The following NALCN variants were observed in gnomAD, a reference collection of about 807,000 sequenced individuals.
NALCN encodes the protein sodium leak channel, non-selective.
In NALCN, 111 loss-of-function variants were observed where a neutral mutation model predicts 225.3. The observed-to-expected ratio is 0.49, with a 90% CI of 0.42 to 0.58. The LOEUF is 0.58. NALCN is among the 20% of genes least tolerant of loss of function. NALCN has a pLI of 0.00. For missense variants in NALCN, 1,378 were observed against 2,202.4 expected, an observed-to-expected ratio of 0.63 and a Z score of 7.49; for synonymous variants, 764 against 769.0, an observed-to-expected ratio of 0.99 and a Z score of 0.11.
chr13:101,162,249 TCCAACTC>T (rs1233612909), intron 15 of NALCN, among the ~76,000 whole-genome samples: 1 of 152,194 alleles, frequency 6.6e-6, no homozygotes, highest in Non-Finnish European at 1.5e-5. Flanking sequence ...TTGATTTACA[TCCAACTC>T]CCCTATTAGA....
At chr13:101,110,808 T>C in intron 19 of NALCN, 120 bp from the exon 20 acceptor site, 1 of 978,786 alleles carries the variant, frequency 1.0e-6, no homozygotes, top group Non-Finnish European at 1.6e-6. Context: ...ATGCCTATGA[T>C]TTCTTTTCAT....
intron 3 of NALCN, among the ~76,000 whole-genome samples, chr13:101,379,385 C>G (rs1332653324): frequency 1.3e-5 from 2 of 152,086 alleles, no homozygotes; most frequent in Non-Finnish European, 2.9e-5. Context: ...CAAAGGATTA[C>G]AAATCATTCT....
intron 9 of NALCN, among the ~76,000 whole-genome samples, chr13:101,286,926 T>C (rs1037970240): frequency 6.6e-6 from 1 of 151,770 alleles, no homozygotes; most frequent in Non-Finnish European, 1.5e-5. Context: ...ACATAGGATC[T>C]TTTTTTGTAC....
intron 6 of NALCN, among the ~76,000 whole-genome samples, chr13:101,370,574 A>G (rs542885935): frequency 6.6e-6 from 1 of 152,336 alleles, no homozygotes; most frequent in South Asian, 2.1e-4. Context: ...GAGGTAGTCC[A>G]ATAGACCAGT....
intron 13 of NALCN, among the ~76,000 whole-genome samples, chr13:101,225,056 G>A (rs2041089043): frequency 6.6e-6 from 1 of 152,114 alleles, no homozygotes; most frequent in African/African-American, 2.4e-5. Context: ...TGCCCCTGGT[G>A]CCCAACTTTT....
chr13:101,378,718 G>A (rs1482731397), intron 3 of NALCN, 65 bp from the exon 4 acceptor site: 1 of 1,323,390 alleles, frequency 7.6e-7, no homozygotes, highest in South Asian at 1.3e-5. Context: ...ATCTGTGGAG[G>A]AAAATGTCAA....
intron 7 of NALCN, among the ~76,000 whole-genome samples, chr13:101,310,541 C>G (rs1404076650): frequency 6.6e-6 from 1 of 152,098 alleles, no homozygotes; most frequent in Non-Finnish European, 1.5e-5. Context: ...ACTGCAATTC[C>G]TGCTCACACC....
In NALCN at chr13:101,229,416, C is replaced by G; in HGVS notation, c.1603G>C (p.Asp535His). ...ACCCTCGGAAACGTAGTAAATCTGT[C>G]CAGTTCTTCGACAAAGCAGAACATC... ...LQMFCFVEELDRFTTFPRAFM... is the reference protein window; with the variant it reads ...LQMFCFVEELHRFTTFPRAFM... Residue 535 changes from aspartate to histidine, a missense_variant, in exon 13 of 44, where the codon GAC becomes CAC. Transcript: ENST00000251127. The G allele has an allele frequency of 1.9e-6, 3 of 1,600,008 alleles. No homozygotes were observed. The highest frequency in any genetic ancestry group is 2.6e-6 in the Non-Finnish European group (3 of 1,174,060).
At chr13:101,383,976 G>A (rs1303923786) in intron 3 of NALCN, among the ~76,000 whole-genome samples, 1 of 152,130 alleles carries the variant, frequency 6.6e-6, no homozygotes, top group Non-Finnish European at 1.5e-5. Context: ...TAAGTAGAAT[G>A]CAGACCTTGA....
intron 6 of NALCN, among the ~76,000 whole-genome samples, chr13:101,346,085 C>CTATA (rs1164298684): frequency 5.4e-3 from 433 of 80,336 alleles, no homozygotes; most frequent in African/African-American, 0.012. Flanking sequence ...CTCTCTCTCT[C>CTATA]TCTATATATA....
chr13:101,254,116 C>T (rs1388710509), intron 11 of NALCN, among the ~76,000 whole-genome samples: 1 of 151,992 alleles, frequency 6.6e-6, no homozygotes, highest in Non-Finnish European at 1.5e-5. Flanking sequence ...GGAGTGATGG[C>T]TCACGCCTGT....
chr13:101,228,684 T>G (rs534538247), intron 13 of NALCN, among the ~76,000 whole-genome samples: 1 of 152,336 alleles, frequency 6.6e-6, no homozygotes, highest in South Asian at 2.1e-4. Context: ...ATTACCCAGT[T>G]TCATCGAGTA....
In NALCN at chr13:101,069,121, C is replaced by T. The variant is rs145830905; in HGVS notation, c.4198-294G>A. ...TTCTTTCTGCCACCACCACCAGCCC[C>T]AAGTGATAAGTAGCCACTGTGATCA... On this transcript the variant is annotated intron_variant, in intron 37 of 43. Transcript: ENST00000251127. Among the ~76,000 whole-genome samples the T allele has an allele frequency of 2.4e-3, 362 of 152,268 alleles. 1 individual carries two copies. Among genetic ancestry groups the T allele is most frequent in the African/African-American group, 8.3e-3 (346 of 41,548 alleles).
intron 17 of NALCN, among the ~76,000 whole-genome samples, chr13:101,137,501 T>C (rs929443208): frequency 1.3e-5 from 2 of 152,034 alleles, no homozygotes; most frequent in African/African-American, 4.8e-5. Flanking sequence ...TATAATCATA[T>C]AGAACATTAT....
chr13:101,132,388 T>A (rs2036560570), intron 17 of NALCN, among the ~76,000 whole-genome samples: 1 of 152,144 alleles, frequency 6.6e-6, no homozygotes, highest in Non-Finnish European at 1.5e-5. Flanking sequence ...GTGTATATAT[T>A]TAGAAGTCTG....
chr13:101,190,399 G>A (rs34993268), intron 14 of NALCN, among the ~76,000 whole-genome samples: 29,249 of 152,122 alleles, frequency 0.19, 2,963 homozygotes, highest in East Asian at 0.37. Context: ...ATGAATGGAT[G>A]AATGAATAAA....
At chr13:101,225,355 G>A (rs900573213) in intron 13 of NALCN, among the ~76,000 whole-genome samples, 11 of 151,986 alleles carry the variant, frequency 7.2e-5, no homozygotes, top group East Asian at 3.9e-4. Flanking sequence ...TTCTCCCTCC[G>A]TTGGACTAGT....
At chr13:101,087,315 G>T (rs1245865370) in intron 30 of NALCN, among the ~76,000 whole-genome samples, 1 of 152,078 alleles carries the variant, frequency 6.6e-6, no homozygotes. Flanking sequence ...TAAGATGTGT[G>T]CTCCATGAGG....
chr13:101,142,841 G>A, intron 17 of NALCN: 1 of 486,050 alleles, frequency 2.1e-6, no homozygotes, highest in Non-Finnish European at 3.7e-6. Context: ...GGCTCTTGAT[G>A]TTTACAAAGT....
Sources: gnomAD v4.1 joint callset for allele counts (sites outside exome capture counted in the v4.1 genomes callset) on GRCh38, gnomAD v4.1.1 for gene constraint, MANE v1.5 for transcripts, NCBI Gene and HGNC (gene_info 2026-07-23, HGNC 2026-07-21) for gene names.